Variants in TMEM223 observed in about 807,000 individuals in gnomAD.
The protein encoded by TMEM223 is transmembrane protein 223.
In TMEM223, 14 loss-of-function variants were observed where a neutral mutation model predicts 14.1. The observed-to-expected ratio is 0.99, with a 90% confidence interval of 0.66 to 1.55. TMEM223 has a LOEUF of 1.55. Ranked by LOEUF, TMEM223 falls within the 40% of genes most tolerant of loss-of-function variation. The pLI is 0.00. For synonymous variants in TMEM223, 145 were observed against 120.5 expected (o/e 1.20, Z -1.33); for missense variants, 346 against 269.9 (o/e 1.28, Z -1.97).
downstream of TMEM223, chr11:62,787,283 A>C (rs772078339): frequency 2.6e-6 from 4 of 1,546,604 alleles, no homozygotes; most frequent in South Asian, 4.7e-5. Context: ...TACTCGCTGT[A>C]CTTGCCGCTC....
At chr11:62,778,566 G>C (rs2084204056) in intron 1 of TMEM223, 6 of 628,864 alleles carry the variant, frequency 9.5e-6, no homozygotes, top group Non-Finnish European at 1.7e-5. Flanking sequence ...ACAGAAGTCT[G>C]GGCAGCATGC....
At chr11:62,780,037 C>T (rs1180522455) in intron 1 of TMEM223, among the ~76,000 whole-genome samples, 1 of 142,232 alleles carries the variant, frequency 7.0e-6, no homozygotes, top group Admixed American at 7.1e-5. Flanking sequence ...TGGTGAAACT[C>T]CTGCCCTCAA....
Position 62,792,003 on chromosome 11 carries a change from G to A in TMEM223, c.-9C>T, listed in dbSNP as rs1471936675. The A allele has an allele frequency of 1.1e-5, 17 of 1,513,794 alleles. No individual in the cohort carries two copies. Among genetic ancestry groups the A allele is most frequent in the Non-Finnish European group, 1.4e-5 (16 of 1,126,440 alleles). The allele number at this position is 1,513,794 out of a possible 1,614,324, so 93.8% of individuals were successfully genotyped here. On this transcript the variant is annotated 5_prime_UTR_variant, in exon 1 of 2. Coordinates refer to ENST00000307366, the MANE Select transcript of TMEM223 (RefSeq NM_001080501.3). Reference sequence around the variant, plus strand: ...CTCCAAGGCGCCGCCATGGCCAGCCGACTTCCGGGGTGGGGCTTCCTGCCG... The same window carrying A: ...CTCCAAGGCGCCGCCATGGCCAGCCAACTTCCGGGGTGGGGCTTCCTGCCG...
At chr11:62,781,842 A>G in intron 1 of TMEM223, 1 of 1,481,560 alleles carries the variant, frequency 6.7e-7, no homozygotes. Context: ...TACCGCATTC[A>G]TGTTTTACAA....
downstream of TMEM223, chr11:62,788,951 T>C: frequency 4.0e-6 from 6 of 1,490,006 alleles, no homozygotes; most frequent in Non-Finnish European, 4.5e-6. Flanking sequence ...AAGTTATCAC[T>C]AACACCCTAC....
chr11:62,791,340 C>T (rs920580100), intron 1 of TMEM223, among the ~76,000 whole-genome samples: 1 of 152,148 alleles, frequency 6.6e-6, no homozygotes, highest in Non-Finnish European at 1.5e-5. Flanking sequence ...TCACTGCAAC[C>T]TCCGCCTCCC....
chr11:62,782,007 G>A, intron 1 of TMEM223: 1 of 1,610,704 alleles, frequency 6.2e-7, no homozygotes, highest in Non-Finnish European at 8.5e-7. Flanking sequence ...TGTTTTATAA[G>A]GAAGAGATGA....
chr11:62,786,404 T>C, downstream of TMEM223: 1 of 1,609,742 alleles, frequency 6.2e-7, no homozygotes, highest in East Asian at 2.2e-5. Flanking sequence ...TACCGTCCCC[T>C]TCCAGCCTCC....
chr11:62,787,127 G>A (rs756526363), downstream of TMEM223: 18 of 1,559,352 alleles, frequency 1.2e-5, no homozygotes, highest in Non-Finnish European at 1.6e-5. Context: ...ATAGCCGGGC[G>A]GCAGGCTGGG....
At chr11:62,781,816 C>T in intron 1 of TMEM223, 2 of 1,202,010 alleles carry the variant, frequency 1.7e-6, no homozygotes, top group South Asian at 2.4e-5. Context: ...AGGTGATACA[C>T]TGTCTTCCAG....
At position 62,791,912 on chromosome 11, in the gene TMEM223, G is replaced by T. The variant is rs190257933; in HGVS notation, c.83C>A (p.Thr28Lys). Residue 28 changes from threonine (T) to lysine (K), a missense_variant, in exon 1 of 2, where the codon ACG becomes AAG. Thr to Lys is a moderately conservative substitution (Grantham distance 78). Coordinates refer to ENST00000307366, the MANE Select transcript of TMEM223 (RefSeq NM_001080501.3). ...GAGCAGCACATCCCGTTGCAGCGTCGTGCCTTGCAGGGGCCGGCAGGTGAG... is the reference window on the plus strand; with the variant it reads ...GAGCAGCACATCCCGTTGCAGCGTCTTGCCTTGCAGGGGCCGGCAGGTGAG... ...PLLTCRPLQG[T>K]TLQRDVLLFE... 741 of 1,600,426 alleles carry T rather than the reference G, an allele frequency of 4.6e-4. 2 individuals carry two copies. The highest frequency in any genetic ancestry group is 9.3e-4 in the Admixed American group (54 of 58,090).
intron 1 of TMEM223, among the ~76,000 whole-genome samples, chr11:62,779,327 T>G (rs1428736479): frequency 6.6e-6 from 1 of 152,184 alleles, no homozygotes; most frequent in Non-Finnish European, 1.5e-5. Flanking sequence ...CCCGAGTAGC[T>G]GGGACTACAG....
At chr11:62,774,965 T>C (rs1398658576) in intron 1 of TMEM223, among the ~76,000 whole-genome samples, 1 of 148,472 alleles carries the variant, frequency 6.7e-6, no homozygotes, top group Non-Finnish European at 1.5e-5. Flanking sequence ...CTCAGGAGGC[T>C]GAGGCAGATA....
Position 62,790,706 on chromosome 11 carries a change from A to T in TMEM223, c.526T>A (p.Phe176Ile), listed in dbSNP as rs558991486. ...CCAGTTTTGTCCAAGAGGAAATAGA[A>T]GCGTCGGCCTTTGACTTTCAGAGGT... ...MLPLKVKGRR[F>I]YFLLDKTGHF... Residue 176 changes from phenylalanine to isoleucine, a missense_variant, in exon 2 of 2, where the codon TTC (phenylalanine) becomes ATC (isoleucine). Physicochemically the swap from Phe to Ile is conservative, Grantham distance 21. Transcript: ENST00000307366. 27 of 1,611,988 alleles carry T rather than the reference A, an allele frequency of 1.7e-5. No individual in the cohort carries two copies. In the South Asian group the frequency reaches 3.0e-4, roughly 18 times the overall value.
downstream of TMEM223, chr11:62,787,167 T>C (rs1316826099): frequency 1.9e-6 from 3 of 1,582,398 alleles, no homozygotes; most frequent in Non-Finnish European, 2.6e-6. Flanking sequence ...TTTTCCAGAC[T>C]GCCTTCCCCG....
downstream of TMEM223, among the ~76,000 whole-genome samples, chr11:62,785,250 G>A (rs2084261647): frequency 6.6e-6 from 1 of 151,314 alleles, no homozygotes; most frequent in Non-Finnish European, 1.5e-5. Context: ...GGAGTGCAAT[G>A]GCGCGACCTC....
rs2084350954 is a variant in TMEM223, at chr11:62,790,723, T to C, written c.509A>G (p.Lys170Arg). ...RGEVPAMLPL[K>R]VKGRRFYFLL... ...GAAATAGAAGCGTCGGCCTTTGACT[T>C]TCAGAGGTAGCATGGCAGGGACTTC... Residue 170 changes from lysine (K) to arginine (R), a missense_variant, in exon 2 of 2, where the codon AAA becomes AGA. Lys to Arg is a conservative substitution (Grantham distance 26). Transcript: ENST00000307366. The C allele has an allele frequency of 6.2e-7, 1 of 1,611,514 alleles. No individual in the cohort carries two copies. Among genetic ancestry groups the C allele is most frequent in the Non-Finnish European group, 8.5e-7 (1 of 1,178,774 alleles).
At chr11:62,780,006 G>T (rs2084216943) in intron 1 of TMEM223, among the ~76,000 whole-genome samples, 1 of 124,198 alleles carries the variant, frequency 8.1e-6, no homozygotes, top group African/African-American at 3.1e-5. Flanking sequence ...TAGAGACAGG[G>T]TCTCACTGTA....
At chr11:62,785,047 T>G (rs547368062), downstream of TMEM223, among the ~76,000 whole-genome samples, 1 of 152,242 alleles carries the variant, frequency 6.6e-6, no homozygotes, top group South Asian at 2.1e-4. Context: ...CTTCCTACAT[T>G]GCCCAGGCTG....
Sources: gnomAD v4.1 joint callset for allele counts (sites outside exome capture counted in the v4.1 genomes callset) on GRCh38, gnomAD v4.1.1 for gene constraint, MANE v1.5 for transcripts, NCBI Gene and HGNC (gene_info 2026-07-23, HGNC 2026-07-21) for gene names.